Variants in MIPOL1 observed in about 807,000 individuals in gnomAD.
The protein encoded by MIPOL1 is mirror-image polydactyly 1.
MIPOL1 carries 57 observed loss-of-function variants against 60.9 expected under a neutral mutation model. The observed-to-expected ratio is 0.94, with a 90% CI of 0.76 to 1.17. The LOEUF is 1.17. Among genes scored for constraint, MIPOL1 ranks in the 50% most tolerant of loss-of-function variants. MIPOL1 has a pLI of 0.00. For synonymous variants in MIPOL1, 179 were observed against 168.8 expected, an observed-to-expected ratio of 1.06 and a Z score of -0.47; for missense variants, 551 against 511.6, an observed-to-expected ratio of 1.08 and a Z score of -0.74.
Position 37,462,132 on chromosome 14 carries a change from T to C in MIPOL1, c.1032-37776T>C, listed in dbSNP as rs557657130. ...CTGCCTGGGCATCCAGGCATTTCCA[T>C]ACATCTTCTGAAATCTAGGCAGAGG... is the stretch of plus-strand genomic sequence containing the variant. On this transcript the variant is annotated intron_variant, in intron 11 of 12. Transcript: ENST00000684589. Among the ~76,000 whole-genome samples, 24 of 152,324 alleles carry C rather than the reference T, an allele frequency of 1.6e-4. No individual in the cohort carries two copies. The South Asian group carries it at 5.0e-3, about 32-fold the overall frequency.
chr14:37,460,113 TAATAAA>T (rs2094523399), intron 11 of MIPOL1, among the ~76,000 whole-genome samples: 1 of 150,694 alleles, frequency 6.6e-6, no homozygotes, highest in Non-Finnish European at 1.5e-5. Flanking sequence ...ATAATAATAA[TAATAAA>T]ATTCTAGCAA....
chr14:37,273,067 C>G (rs1030296742), intron 6 of MIPOL1, among the ~76,000 whole-genome samples: 3 of 150,902 alleles, frequency 2.0e-5, no homozygotes, highest in Admixed American at 6.6e-5. Flanking sequence ...TAAAAACAGT[C>G]TAACCATAAG....
chr14:37,342,675 C>T (rs1333460247), intron 9 of MIPOL1, among the ~76,000 whole-genome samples: 2 of 152,076 alleles, frequency 1.3e-5, no homozygotes, highest in South Asian at 2.1e-4. Context: ...GGATTACAGG[C>T]GTGAGCCACC....
At chr14:37,531,279 T>G (rs1020962259) in intron 12 of MIPOL1, among the ~76,000 whole-genome samples, 1 of 152,112 alleles carries the variant, frequency 6.6e-6, no homozygotes, top group Non-Finnish European at 1.5e-5. Context: ...CTGTGCTTCA[T>G]CTATGCTGCT....
At chr14:37,526,473 C>T (rs1432708775) in intron 12 of MIPOL1, among the ~76,000 whole-genome samples, 4 of 151,186 alleles carry the variant, frequency 2.6e-5, no homozygotes, top group Non-Finnish European at 5.9e-5. Context: ...CGGTTTACGC[C>T]ATTCTCCTGC....
chr14:37,265,846 GT>G (rs2032021417), intron 3 of MIPOL1, among the ~76,000 whole-genome samples: 1 of 152,190 alleles, frequency 6.6e-6, no homozygotes, highest in Middle Eastern at 3.4e-3. Context: ...AGTATGGATA[GT>G]CTGATTTGCA....
intron 12 of MIPOL1, among the ~76,000 whole-genome samples, chr14:37,533,559 T>G (rs962986484): frequency 6.6e-6 from 1 of 152,164 alleles, no homozygotes; most frequent in African/African-American, 2.4e-5. Context: ...AGTTGTAACT[T>G]AAGCAAATGC....
chr14:37,302,675 A>T (rs1455312573), intron 7 of MIPOL1, among the ~76,000 whole-genome samples: 8 of 148,834 alleles, frequency 5.4e-5, no homozygotes, highest in African/African-American at 7.5e-5. Context: ...ATATTCTACC[A>T]CCATTTGTTG....
chr14:37,441,506 A>G (rs140924602), intron 11 of MIPOL1, among the ~76,000 whole-genome samples: 1 of 151,998 alleles, frequency 6.6e-6, no homozygotes, highest in Non-Finnish European at 1.5e-5. Flanking sequence ...TCTCCAGTGT[A>G]TGTTATTGTC....
At chr14:37,420,812 C>T (rs551815332) in intron 10 of MIPOL1, among the ~76,000 whole-genome samples, 14 of 152,002 alleles carry the variant, frequency 9.2e-5, no homozygotes, top group East Asian at 1.9e-4. Flanking sequence ...ATCTTATACC[C>T]GAGGTGATGG....
At chr14:37,293,621 T>A (rs2085312162) in intron 7 of MIPOL1, among the ~76,000 whole-genome samples, 1 of 152,128 alleles carries the variant, frequency 6.6e-6, no homozygotes, top group Middle Eastern at 3.2e-3. Flanking sequence ...AATACTACGC[T>A]TTTCCAATGG....
At position 37,404,286 on chromosome 14, in the gene MIPOL1, T is replaced by C. The variant is rs745333458; in HGVS notation, c.937-18569T>C. 3.4e-4 allele frequency among the ~76,000 whole-genome samples: 52 copies of C among 152,184 alleles called. 1 individual carries two copies. Among genetic ancestry groups the C allele is most frequent in the Admixed American group, 1.3e-4 (2 of 15,272 alleles). ...TCTTTTTTGGGTTTAGTAAAATTGC[T>C]TCTACCAGTCACCTAGGAAATATAA... is the stretch of plus-strand genomic sequence containing the variant. On this transcript the variant is annotated intron_variant, in intron 10 of 12. Coordinates refer to ENST00000684589, the MANE Select transcript of MIPOL1 (RefSeq NM_001388067.1).
chr14:37,526,798 AT>A (rs2095450565), intron 12 of MIPOL1, among the ~76,000 whole-genome samples: 1 of 152,148 alleles, frequency 6.6e-6, no homozygotes, highest in African/African-American at 2.4e-5. Context: ...AGAAATGAAC[AT>A]TTTGAGGTTC....
At chr14:37,385,848 C>T (rs1387393440) in intron 10 of MIPOL1, 2 of 151,850 alleles carry the variant, frequency 1.3e-5, no homozygotes, top group Non-Finnish European at 2.9e-5. Context: ...AATTGATATA[C>T]CATTTTAGAG....
At chr14:37,435,924 A>G (rs772319483) in intron 11 of MIPOL1, among the ~76,000 whole-genome samples, 12 of 152,200 alleles carry the variant, frequency 7.9e-5, no homozygotes, top group Non-Finnish European at 1.6e-4. Flanking sequence ...ATGTATATTT[A>G]TGACAATGTG....
intron 10 of MIPOL1, among the ~76,000 whole-genome samples, chr14:37,417,715 C>G (rs1227241605): frequency 6.6e-6 from 1 of 151,976 alleles, no homozygotes; most frequent in East Asian, 1.9e-4. Flanking sequence ...TTTGAAGATA[C>G]CCAATTATAT....
chr14:37,318,655 C>T (rs200432436), intron 9 of MIPOL1, among the ~76,000 whole-genome samples: 1 of 1,336 alleles, frequency 7.5e-4, no homozygotes, highest in Admixed American at 0.05. Flanking sequence ...GAAAAAATTG[C>T]CCCCAAGCTC....
At chr14:37,474,909 C>T (rs950992969) in intron 11 of MIPOL1, among the ~76,000 whole-genome samples, 4 of 152,068 alleles carry the variant, frequency 2.6e-5, no homozygotes, top group African/African-American at 9.7e-5. Flanking sequence ...ACTTAACCAT[C>T]TATATATTTT....
At chr14:37,427,737 A>G (rs1326344487) in intron 11 of MIPOL1, among the ~76,000 whole-genome samples, 1 of 152,192 alleles carries the variant, frequency 6.6e-6, no homozygotes, top group Non-Finnish European at 1.5e-5. Flanking sequence ...TGCAAGCTCA[A>G]AGTCTACTTT....
Sources: gnomAD v4.1 joint callset for allele counts (sites outside exome capture counted in the v4.1 genomes callset) on GRCh38, gnomAD v4.1.1 for gene constraint, MANE v1.5 for transcripts, NCBI Gene and HGNC (gene_info 2026-07-23, HGNC 2026-07-21) for gene names.